FAM200B: variants seen among roughly 807,000 people sequenced by gnomAD.
FAM200B encodes the protein protein FAM200B.
In FAM200B, 32 loss-of-function variants were observed where a neutral mutation model predicts 33.1. That is an observed-to-expected ratio of 0.97 (90% confidence interval 0.73 to 1.30). FAM200B has a LOEUF of 1.30. Ranked by LOEUF, FAM200B falls within the 50% of genes most tolerant of loss-of-function variation. The pLI is 0.00. For synonymous variants in FAM200B, 240 were observed against 264.8 expected, an observed-to-expected ratio of 0.91 and a Z score of 0.91; for missense variants, 741 against 754.0, an observed-to-expected ratio of 0.98 and a Z score of 0.20.
At chr4:15,683,053 C>T (rs1351053734) in intron 1 of FAM200B, among the ~76,000 whole-genome samples, 1 of 152,128 alleles carries the variant, frequency 6.6e-6, no homozygotes, top group African/African-American at 2.4e-5. Flanking sequence ...ATACAGCGCA[C>T]TAGAGATATA....
In FAM200B at chr4:15,688,654, G is replaced by A. The variant is rs1228428601; in HGVS notation, c.1677G>A (p.Glu559=). 1 of 1,551,408 alleles carries A rather than the reference G, an allele frequency of 6.4e-7. No individual in the cohort carries two copies. Among genetic ancestry groups the A allele is most frequent in the Non-Finnish European group, 8.7e-7 (1 of 1,146,776 alleles). The part of the protein sequence containing the change: ...IIELNLVPEE[E]NELLQLSSSY... ...AGCTAAACTTGGTGCCTGAAGAAGA[G>A]AATGAATTATTGCAGCTTAGTTCTT... The change falls in exon 2 of 2, where the codon GAG becomes GAA. Residue 559 remains glutamate (E), a synonymous_variant. Transcript: ENST00000422728.
the FAM200B span, among the ~76,000 whole-genome samples, chr4:15,642,022 T>C: frequency 6.6e-6 from 1 of 151,422 alleles, no homozygotes; most frequent in Non-Finnish European, 1.5e-5. Context: ...AGCAAGACTC[T>C]GTCTTAAAAA....
At chr4:15,670,178 G>A in the FAM200B span, among the ~76,000 whole-genome samples, 1 of 152,118 alleles carries the variant, frequency 6.6e-6, no homozygotes, top group African/African-American at 2.4e-5. Context: ...CACCTGATAG[G>A]CACTTTGGTT....
chr4:15,656,279 ACCT>A, the FAM200B span: 16 of 456,030 alleles, frequency 3.5e-5, no homozygotes, highest in African/African-American at 2.2e-4. Context: ...CTGGCCACAG[ACCT>A]CCTGGAGACT....
At chr4:15,667,454 T>C in the FAM200B span, among the ~76,000 whole-genome samples, 2 of 152,146 alleles carry the variant, frequency 1.3e-5, no homozygotes, top group Non-Finnish European at 2.9e-5. Flanking sequence ...CAAAATCATA[T>C]ATTATCTCAA....
In FAM200B at chr4:15,689,739, T is replaced by C. The variant is rs1054315116; in HGVS notation, c.*788T>C. The C allele has an allele frequency of 6.2e-6, 1 of 161,930 alleles. No homozygotes were observed. The highest frequency in any genetic ancestry group is 1.5e-5 in the Non-Finnish European group (1 of 68,120). The allele number at this position is 161,930 out of a possible 1,614,324, so 10.0% of individuals were successfully genotyped here. On this transcript the variant is annotated 3_prime_UTR_variant, in exon 2 of 2. Coordinates refer to ENST00000422728, the MANE Select transcript of FAM200B (RefSeq NM_001145191.2). ...TTGCAGTCATCTATGATTGCACCAC[T>C]GCAGTCCAGCCTGAGCAACAGAGTG...
chr4:15,647,239 A>AG, the FAM200B span, among the ~76,000 whole-genome samples: 5 of 133,524 alleles, frequency 3.7e-5, no homozygotes, highest in African/African-American at 1.4e-4. Flanking sequence ...AAAAAAAAAA[A>AG]AAAAGAAAGA....
In FAM200B at chr4:15,687,729, A is replaced by G. The variant is rs1392377350; in HGVS notation, c.752A>G (p.Asp251Gly). The G allele has an allele frequency of 3.2e-6, 5 of 1,550,614 alleles. No homozygotes were observed. In the African/African-American group the frequency reaches 4.1e-5, roughly 13 times the overall value. Residue 251 changes from aspartate (D) to glycine (G), a missense_variant, in exon 2 of 2, where the codon GAT becomes GGT. Asp to Gly is a moderately conservative substitution (Grantham distance 94). Transcript: ENST00000422728. Reference sequence around the variant, plus strand: ...GTTTATGTCAGATATGCGTGGCAAGATGATTTTTTGGAGGATTTTTTGTGT... The same window carrying G: ...GTTTATGTCAGATATGCGTGGCAAGGTGATTTTTTGGAGGATTTTTTGTGT... ...LLVYVRYAWQ[D>G]DFLEDFLCFL...
At chr4:15,675,722 C>T in the FAM200B span, among the ~76,000 whole-genome samples, 1 of 151,878 alleles carries the variant, frequency 6.6e-6, no homozygotes, top group African/African-American at 2.4e-5. Context: ...GCTGGTATTA[C>T]TGGCACCTGA....
At chr4:15,685,932 G>A (rs1018468441) in intron 1 of FAM200B, among the ~76,000 whole-genome samples, 3 of 152,168 alleles carry the variant, frequency 2.0e-5, no homozygotes, top group African/African-American at 7.2e-5. Flanking sequence ...CAAAAAGGAA[G>A]TATGTATGGT....
chr4:15,662,279 C>T, the FAM200B span, among the ~76,000 whole-genome samples: 1 of 150,336 alleles, frequency 6.7e-6, no homozygotes, highest in African/African-American at 2.4e-5. Flanking sequence ...TTCCACGGCT[C>T]TACCAACTCT....
Position 15,686,975 on chromosome 4 carries a change from A to G in FAM200B, c.-3A>G. 1 of 1,350,380 alleles carries G rather than the reference A, an allele frequency of 7.4e-7. No individual in the cohort carries two copies. The highest frequency in any genetic ancestry group is 1.7e-5 in the South Asian group (1 of 59,754). 83.6% of individuals were successfully genotyped at this position (1,350,380 alleles called of 1,614,324 possible). On this transcript the variant is annotated 5_prime_UTR_variant, in exon 2 of 2. Transcript: ENST00000422728. ...AATCAAACTGGAACAAATTGCTATTAAAATGGATCATTTCTTTATTAAAAG... is the reference window on the plus strand; with the variant it reads ...AATCAAACTGGAACAAATTGCTATTGAAATGGATCATTTCTTTATTAAAAG...
At chr4:15,676,693 G>C (rs1020381322), upstream of FAM200B, among the ~76,000 whole-genome samples, 12 of 151,858 alleles carry the variant, frequency 7.9e-5, no homozygotes, top group African/African-American at 2.7e-4. Context: ...TGAGTATTAC[G>C]GGGGGGAGGG....
chr4:15,687,992 C>G lies in FAM200B; in HGVS notation c.1015C>G (p.Pro339Ala). 4 of 1,551,010 alleles carry G rather than the reference C, an allele frequency of 2.6e-6. No homozygotes were observed. The highest frequency in any genetic ancestry group is 2.6e-6 in the Non-Finnish European group (3 of 1,146,552). ...TGAAGGTTTAGCATCCAGAGAAATT[C>G]CACAGAATCTCATGGAGGTATTGAA... ...HREGLASREIPQNLMEVLKNA... is the reference protein window; with the variant it reads ...HREGLASREIAQNLMEVLKNA... The change falls in exon 2 of 2, where the codon CCA (proline) becomes GCA (alanine). Residue 339 changes from proline (P) to alanine (A), a missense_variant. By Grantham distance (27) the Pro-to-Ala change is conservative. Transcript: ENST00000422728.
upstream of FAM200B, among the ~76,000 whole-genome samples, chr4:15,676,720 G>A (rs1718008279): frequency 6.6e-6 from 1 of 152,024 alleles, no homozygotes; most frequent in South Asian, 2.1e-4. Flanking sequence ...CTTGATAATG[G>A]TTGAAACTAG....
At chr4:15,666,164 C>A in the FAM200B span, among the ~76,000 whole-genome samples, 1 of 152,022 alleles carries the variant, frequency 6.6e-6, no homozygotes, top group African/African-American at 2.4e-5. Context: ...CTTGGGAGGC[C>A]AAGGCAGTAG....
chr4:15,647,086 G>T, the FAM200B span, among the ~76,000 whole-genome samples: 1 of 151,428 alleles, frequency 6.6e-6, no homozygotes, highest in African/African-American at 2.4e-5. Flanking sequence ...AGCAGGGAGT[G>T]GTGGTGTGCA....
chr4:15,676,745 G>A (rs192169121), upstream of FAM200B, among the ~76,000 whole-genome samples: 181 of 151,958 alleles, frequency 1.2e-3, no homozygotes, highest in African/African-American at 4.3e-3. Context: ...TGGGTTGTTG[G>A]GTTCATTATA....
chr4:15,669,123 G>C, the FAM200B span, among the ~76,000 whole-genome samples: 1 of 152,144 alleles, frequency 6.6e-6, no homozygotes. Context: ...TTTGTTACTT[G>C]ACAACAGGGA....
Sources: gnomAD v4.1 joint callset for allele counts (sites outside exome capture counted in the v4.1 genomes callset) on GRCh38, gnomAD v4.1.1 for gene constraint, MANE v1.5 for transcripts, NCBI Gene and HGNC (gene_info 2026-07-23, HGNC 2026-07-21) for gene names.